CFAP20DC: variants seen among roughly 807,000 people sequenced by gnomAD.
CFAP20DC encodes the protein protein CFAP20DC.
CFAP20DC carries 84 observed loss-of-function variants against 101.7 expected under a neutral mutation model. That is an observed-to-expected ratio of 0.83 (90% CI 0.69 to 0.99). CFAP20DC has a LOEUF of 0.99. Ranked by LOEUF, CFAP20DC falls within the 50% of genes least tolerant of loss-of-function variation. The pLI is 0.00. For synonymous variants in CFAP20DC, 359 were observed against 351.2 expected (o/e 1.02, Z -0.25); for missense variants, 1,007 against 970.3 (o/e 1.04, Z -0.50).
chr3:58,815,389 T>C (rs1245587671), intron 14 of CFAP20DC, among the ~76,000 whole-genome samples: 4 of 146,990 alleles, frequency 2.7e-5, no homozygotes, highest in African/African-American at 5.0e-5. Context: ...ACGTTAGACC[T>C]AAAACCATAA....
chr3:58,880,403 G>A (rs191881286), intron 7 of CFAP20DC, among the ~76,000 whole-genome samples: 7 of 152,160 alleles, frequency 4.6e-5, no homozygotes, highest in African/African-American at 1.2e-4. Context: ...GTCATTCTTC[G>A]TATAGCTGCA....
chr3:58,867,764 C>T (rs1212125481), intron 10 of CFAP20DC, 53 bp downstream of exon 10: 24 of 1,602,218 alleles, frequency 1.5e-5, no homozygotes, highest in East Asian at 6.7e-5. Flanking sequence ...GAGAGAGATT[C>T]GATTGCCCTG....
At chr3:58,911,684 G>A (rs2084173321) in intron 6 of CFAP20DC, among the ~76,000 whole-genome samples, 1 of 151,974 alleles carries the variant, frequency 6.6e-6, no homozygotes, top group African/African-American at 2.4e-5. Flanking sequence ...TTTTATAGAT[G>A]CAGTATCTTA....
intron 3 of CFAP20DC, 78 bp downstream of exon 3, chr3:59,046,151 A>C: frequency 1.0e-6 from 1 of 960,180 alleles, no homozygotes; most frequent in Admixed American, 2.4e-5. Context: ...AAGTCATACT[A>C]ATGTGCCTGT....
At chr3:58,753,971 T>A in intron 15 of CFAP20DC, 108 bp from the exon 16 acceptor site, 1 of 670,878 alleles carries the variant, frequency 1.5e-6, no homozygotes, top group South Asian at 2.1e-5. Flanking sequence ...ACACTTTTTT[T>A]CCTCCTTCAT....
intron 4 of CFAP20DC, among the ~76,000 whole-genome samples, chr3:59,030,007 A>G (rs551065338): frequency 3.9e-5 from 6 of 152,202 alleles, no homozygotes; most frequent in East Asian, 1.9e-4. Flanking sequence ...CATGGGAGAC[A>G]TAGAAAGATG....
intron 7 of CFAP20DC, among the ~76,000 whole-genome samples, chr3:58,878,292 T>G (rs988857128): frequency 2.0e-5 from 3 of 152,174 alleles, no homozygotes; most frequent in Non-Finnish European, 4.4e-5. Flanking sequence ...TGAAAGGCAA[T>G]AAAATAATAT....
At chr3:58,880,563 A>G (rs779166644) in intron 7 of CFAP20DC, among the ~76,000 whole-genome samples, 1 of 152,150 alleles carries the variant, frequency 6.6e-6, no homozygotes, top group African/African-American at 2.4e-5. Flanking sequence ...AAGTAACACA[A>G]TTGTCAAACT....
intron 12 of CFAP20DC, chr3:58,862,787 T>G (rs1355410893): frequency 2.9e-5 from 28 of 982,244 alleles, no homozygotes; most frequent in Non-Finnish European, 3.3e-5. Context: ...CGTATTCTGC[T>G]TTTAGAATAA....
chr3:59,017,034 C>A (rs959627210), intron 4 of CFAP20DC, among the ~76,000 whole-genome samples: 1 of 152,084 alleles, frequency 6.6e-6, no homozygotes, highest in African/African-American at 2.4e-5. Flanking sequence ...GTGGCATCCA[C>A]AAATGTCTCT....
At chr3:58,818,408 G>A (rs1378231744) in intron 14 of CFAP20DC, among the ~76,000 whole-genome samples, 1 of 148,528 alleles carries the variant, frequency 6.7e-6, no homozygotes, top group Non-Finnish European at 1.5e-5. Flanking sequence ...CTCACGTGCA[G>A]AGACACAGAT....
At chr3:58,749,007 C>T (rs1575542228) in intron 16 of CFAP20DC, among the ~76,000 whole-genome samples, 1 of 152,168 alleles carries the variant, frequency 6.6e-6, no homozygotes. Flanking sequence ...GTGCCGGGTA[C>T]ACAATGGTGC....
chr3:58,805,935 A>G (rs1380513201), intron 15 of CFAP20DC, among the ~76,000 whole-genome samples: 1 of 152,254 alleles, frequency 6.6e-6, no homozygotes, highest in Non-Finnish European at 1.5e-5. Context: ...AACTTTTATA[A>G]GCTATCTTGA....
At chr3:58,744,129 A>G (rs2068037300) in intron 16 of CFAP20DC, among the ~76,000 whole-genome samples, 1 of 152,224 alleles carries the variant, frequency 6.6e-6, no homozygotes, top group South Asian at 2.1e-4. Flanking sequence ...TCATTGGTAG[A>G]GCCCTTGATG....
At chr3:58,889,005 T>C (rs1189820300) in intron 6 of CFAP20DC, among the ~76,000 whole-genome samples, 1 of 152,106 alleles carries the variant, frequency 6.6e-6, no homozygotes, top group Non-Finnish European at 1.5e-5. Context: ...TTTTTTACTT[T>C]TTTTTTTAAT....
At position 58,833,609 on chromosome 3, in the gene CFAP20DC, T is replaced by C. The variant is rs1198382004; in HGVS notation, c.1972-1720A>G. Among the ~76,000 whole-genome samples the C allele has an allele frequency of 5.3e-5, 8 of 152,154 alleles. 1 individual carries two copies. Among genetic ancestry groups the C allele is most frequent in the Non-Finnish European group, 5.9e-5 (4 of 68,020 alleles). On this transcript the variant is annotated intron_variant, in intron 13 of 16. Transcript: ENST00000482387. ...GGATGTGGAGAAACTGAAACCCTCA[T>C]ACAGTGTTGGCAGAAAAGTAGAATG...
intron 5 of CFAP20DC, among the ~76,000 whole-genome samples, chr3:58,928,193 T>G (rs539221168): frequency 1.3e-5 from 2 of 152,308 alleles, no homozygotes; most frequent in African/African-American, 4.8e-5. Flanking sequence ...AAATAAGATA[T>G]GCTTGTAGTC....
Position 58,717,988 on chromosome 3 carries a change from G to T in CFAP20DC, c.198-360C>A, listed in dbSNP as rs1314123306. 6.6e-6 allele frequency among the ~76,000 whole-genome samples: 1 copy of T among 152,158 alleles called. No individual in the cohort carries two copies. Among genetic ancestry groups the T allele is most frequent in the Non-Finnish European group, 1.5e-5 (1 of 68,014 alleles). ...TTATGATTTTTACCATTCCCATTTG[G>T]ATAAGCTATGGAGAAATTCAAGTTT... On this transcript the variant is annotated intron_variant, in intron 3 of 3. Coordinates refer to the CFAP20DC transcript ENST00000486145. The surrounding 1 kb of genome is among the most constrained non-coding windows in gnomAD (Gnocchi z 4.1).
intron 3 of CFAP20DC, among the ~76,000 whole-genome samples, chr3:58,735,233 G>A (rs1450847256): frequency 6.6e-6 from 1 of 152,176 alleles, no homozygotes; most frequent in Non-Finnish European, 1.5e-5. Context: ...TTTGGAAGCT[G>A]AAACCTAGCT....
Sources: gnomAD v4.1 joint callset for allele counts (sites outside exome capture counted in the v4.1 genomes callset) on GRCh38, gnomAD v4.1.1 for gene constraint, Gnocchi (gnomAD v3.1) non-coding constraint, MANE v1.5 for transcripts, NCBI Gene and HGNC (gene_info 2026-07-23, HGNC 2026-07-21) for gene names.